DPF3: variants seen among roughly 807,000 people sequenced by gnomAD.
The protein encoded by DPF3 is zinc finger protein DPF3.
A neutral mutation model predicts 56.8 loss-of-function variants in DPF3; 18 were observed. That is an observed-to-expected ratio of 0.32 (90% CI 0.22 to 0.47). The LOEUF is 0.47. Among genes scored for constraint, DPF3 ranks in the 20% least tolerant of loss-of-function variants. The pLI, the probability that DPF3 is intolerant of heterozygous loss-of-function variation, is 1.00. For synonymous variants in DPF3, 188 were observed against 180.2 expected, an observed-to-expected ratio of 1.04 and a Z score of -0.35; for missense variants, 403 against 488.8, an observed-to-expected ratio of 0.82 and a Z score of 1.65.
chr14:72,773,842 A>G, intron 1 of DPF3: 1 of 455,532 alleles, frequency 2.2e-6, no homozygotes, highest in Non-Finnish European at 4.4e-6. Flanking sequence ...TCAGAATAAT[A>G]TTTTTTAAGT....
intron 2 of DPF3, among the ~76,000 whole-genome samples, chr14:72,766,947 G>A (rs1407738211): frequency 6.6e-6 from 1 of 152,192 alleles, no homozygotes; most frequent in Non-Finnish European, 1.5e-5. Flanking sequence ...GTCAGAGAAG[G>A]CCAAGGGAAG....
intron 1 of DPF3, among the ~76,000 whole-genome samples, chr14:72,807,228 A>T (rs1882821998): frequency 6.6e-6 from 1 of 152,238 alleles, no homozygotes; most frequent in South Asian, 2.1e-4. Context: ...TGTCTTACTT[A>T]TGCCCTTGGG....
intron 3 of DPF3, among the ~76,000 whole-genome samples, chr14:72,746,909 G>A (rs538306314): frequency 2.6e-5 from 4 of 152,354 alleles, no homozygotes; most frequent in South Asian, 2.1e-4. Context: ...CACATGTTAC[G>A]GCAGGCCCGA....
chr14:72,833,281 C>A (rs1463542150), intron 1 of DPF3, among the ~76,000 whole-genome samples: 1 of 152,130 alleles, frequency 6.6e-6, no homozygotes, highest in Non-Finnish European at 1.5e-5. Context: ...CAGAAAGGAT[C>A]CCAGATGACG....
chr14:72,702,432 C>G (rs568155399), intron 6 of DPF3, among the ~76,000 whole-genome samples: 1 of 152,102 alleles, frequency 6.6e-6, no homozygotes, highest in Non-Finnish European at 1.5e-5. Flanking sequence ...GAGGGCTTCC[C>G]GCTCTCCCTG....
intron 1 of DPF3, among the ~76,000 whole-genome samples, chr14:72,844,624 ACG>A (rs2140073291): frequency 6.6e-6 from 1 of 152,326 alleles, no homozygotes; most frequent in South Asian, 2.1e-4. Flanking sequence ...ACACACACTC[ACG>A]CACAAACACA....
chr14:72,735,667 T>C (rs1403391922), intron 3 of DPF3, among the ~76,000 whole-genome samples: 2 of 152,188 alleles, frequency 1.3e-5, no homozygotes, highest in African/African-American at 4.8e-5. Context: ...ACCACAATAG[T>C]TGATTTGCTC....
At chr14:72,758,815 A>G (rs1014564998) in intron 2 of DPF3, among the ~76,000 whole-genome samples, 1 of 152,200 alleles carries the variant, frequency 6.6e-6, no homozygotes, top group African/African-American at 2.4e-5. Flanking sequence ...AGAAAACATC[A>G]AACTGTTTTC....
chr14:72,853,636 G>C (rs1885071326), intron 1 of DPF3, among the ~76,000 whole-genome samples: 1 of 151,914 alleles, frequency 6.6e-6, no homozygotes, highest in South Asian at 2.1e-4. Flanking sequence ...CACCATGCCT[G>C]GCTAATTTTT....
chr14:72,725,340 C>T (rs888922921), intron 4 of DPF3, among the ~76,000 whole-genome samples: 12 of 152,050 alleles, frequency 7.9e-5, no homozygotes, highest in Non-Finnish European at 1.6e-4. Context: ...TTTCCCTAAT[C>T]CAAGGGCCAG....
chr14:72,819,587 CA>C (rs1883440287), intron 1 of DPF3, among the ~76,000 whole-genome samples: 1 of 151,970 alleles, frequency 6.6e-6, no homozygotes, highest in Non-Finnish European at 1.5e-5. Context: ...ATGTACACAA[CA>C]ATGTGGATAA....
chr14:72,784,434 T>C (rs1186557654), intron 1 of DPF3, among the ~76,000 whole-genome samples: 1 of 152,216 alleles, frequency 6.6e-6, no homozygotes, highest in East Asian at 1.9e-4. Flanking sequence ...ACCTCTGTAC[T>C]GCCGGAGGGA....
At chr14:72,727,548 C>G (rs1467304084) in intron 4 of DPF3, among the ~76,000 whole-genome samples, 1 of 151,288 alleles carries the variant, frequency 6.6e-6, no homozygotes, top group Non-Finnish European at 1.5e-5. Flanking sequence ...TGCACTCCAG[C>G]CTGGGTGACG....
In DPF3 at chr14:72,786,877, C is replaced by G. The variant is rs151040375; in HGVS notation, c.33-14984G>C. 6.5e-3 allele frequency among the ~76,000 whole-genome samples: 990 copies of G among 152,342 alleles called. 8 individuals are homozygous for G. The highest frequency in any genetic ancestry group is 0.023 in the African/African-American group (953 of 41,574). On this transcript the variant is annotated intron_variant, in intron 1 of 10. Transcript: ENST00000556509. Reference sequence around the variant, plus strand: ...CGTTTGTTTGCTTTTTTCTAGCCTCCCTTGAAAGCCCTGTTTCATCTAGGA... The same window carrying G: ...CGTTTGTTTGCTTTTTTCTAGCCTCGCTTGAAAGCCCTGTTTCATCTAGGA...
chr14:72,638,395 G>C (rs773580779), intron 8 of DPF3, among the ~76,000 whole-genome samples: 3 of 152,206 alleles, frequency 2.0e-5, no homozygotes, highest in Non-Finnish European at 2.9e-5. Context: ...TAAAGGCTCT[G>C]TGTTTTCTTT....
intron 5 of DPF3, among the ~76,000 whole-genome samples, chr14:72,720,361 G>A (rs2153576416): frequency 6.6e-6 from 1 of 152,216 alleles, no homozygotes; most frequent in East Asian, 1.9e-4. Context: ...TAAAGCATGG[G>A]CAAAACAGCT....
intron 8 of DPF3, among the ~76,000 whole-genome samples, chr14:72,640,069 A>AAAAAAAAAAAAAAAAAAAAAAAAAAAAAG (rs1885505729): frequency 6.8e-6 from 1 of 145,986 alleles, no homozygotes; most frequent in Non-Finnish European, 1.5e-5. Context: ...AAAAAAAAAA[A>AAAAAAAAAAAAAAAAAAAAAAAAAAAAAG]AAAAAAAAAA....
At chr14:72,624,582 G>A (rs1035318809) in intron 9 of DPF3, among the ~76,000 whole-genome samples, 8 of 151,966 alleles carry the variant, frequency 5.3e-5, no homozygotes, top group African/African-American at 7.2e-5. Context: ...CAGGTAATCC[G>A]CCCGCCTCAG....
rs191851698 is a variant in DPF3, at chr14:72,693,312, C to T, written c.605-99G>A. ...CAGACAGTGATCCCATCCATCCACCCCAGAGCCAGGCTTCCCTTAAAACTG... is the reference window on the plus strand; with the variant it reads ...CAGACAGTGATCCCATCCATCCACCTCAGAGCCAGGCTTCCCTTAAAACTG... On this transcript the variant is annotated intron_variant, in intron 6 of 10. Transcript: ENST00000556509. 2,315 of 1,377,530 alleles carry T rather than the reference C, an allele frequency of 1.7e-3. 7 individuals carry two copies. Among genetic ancestry groups the T allele is most frequent in the Middle Eastern group, 8.6e-3 (46 of 5,328 alleles). 85.3% of individuals were successfully genotyped at this position (1,377,530 alleles called of 1,614,324 possible).
Sources: allele counts gnomAD v4.1 joint callset (sites outside exome capture counted in the v4.1 genomes callset), GRCh38; gene constraint gnomAD v4.1.1; transcripts MANE v1.5; gene names NCBI Gene and HGNC (gene_info 2026-07-23, HGNC 2026-07-21).